PPP4R3A: variants seen among roughly 807,000 people sequenced by gnomAD.
PPP4R3A encodes the protein protein phosphatase 4 regulatory subunit 3A.
PPP4R3A carries 15 observed loss-of-function variants against 91.7 expected under a neutral mutation model. That is an observed-to-expected ratio of 0.16 (90% CI 0.11 to 0.25). The LOEUF (loss-of-function observed/expected upper bound fraction) is 0.25, where lower values mean the gene tolerates loss of function less well. Among genes scored for constraint, PPP4R3A ranks in the 10% least tolerant of loss-of-function variants. The pLI is 1.00. For missense variants in PPP4R3A, 623 were observed against 998.4 expected, an observed-to-expected ratio of 0.62 and a Z score of 5.07; for synonymous variants, 377 against 348.7, an observed-to-expected ratio of 1.08 and a Z score of -0.91.
chr14:91,480,962 G>A (rs756739454), intron 4 of PPP4R3A, among the ~76,000 whole-genome samples: 2 of 151,958 alleles, frequency 1.3e-5, no homozygotes, highest in Non-Finnish European at 2.9e-5. Context: ...TCAAGCCCAG[G>A]AGTTCAAGGT....
rs998549486 is a variant in PPP4R3A at position 91,457,789 on chromosome 14, T to C, written c.*970A>G. On this transcript the variant is annotated 3_prime_UTR_variant, in exon 15 of 15. Transcript: ENST00000554943. ...AAAACTGTTGAAGTTTTAAATTCCA[T>C]TCTATTTCCCTGAATTCTCAAGACA... is the stretch of plus-strand genomic sequence containing the variant. 35 of 152,656 alleles carry C rather than the reference T, an allele frequency of 2.3e-4. No homozygotes were observed. The highest frequency in any genetic ancestry group is 8.2e-4 in the African/African-American group (34 of 41,464). 9.5% of individuals were successfully genotyped at this position (152,656 alleles called of 1,614,324 possible).
intron 1 of PPP4R3A, among the ~76,000 whole-genome samples, chr14:91,498,782 T>C (rs889722618): frequency 5.9e-5 from 9 of 151,860 alleles, no homozygotes; most frequent in East Asian, 1.9e-4. Context: ...GGCGTGGTGG[T>C]GGGCGCCTGT....
intron 1 of PPP4R3A, among the ~76,000 whole-genome samples, chr14:91,491,020 C>T (rs1174801565): frequency 1.3e-5 from 2 of 151,522 alleles, no homozygotes; most frequent in Non-Finnish European, 2.9e-5. Context: ...ATTCTCCTGC[C>T]TCAGCCTCCC....
chr14:91,478,149 T>G (rs1354398874), intron 4 of PPP4R3A, among the ~76,000 whole-genome samples: 7 of 152,246 alleles, frequency 4.6e-5, no homozygotes, highest in Non-Finnish European at 7.3e-5. Context: ...CCTTTACTTT[T>G]TCTAAAATGA....
At chr14:91,507,534 T>C (rs1294212186) in intron 1 of PPP4R3A, among the ~76,000 whole-genome samples, 2 of 138,328 alleles carry the variant, frequency 1.4e-5, no homozygotes, top group African/African-American at 2.7e-5. Context: ...TAGTTATATA[T>C]ACTATATATT....
chr14:91,504,179 A>T (rs534134449), intron 1 of PPP4R3A, among the ~76,000 whole-genome samples: 14 of 151,334 alleles, frequency 9.3e-5, no homozygotes, highest in South Asian at 2.1e-4. Context: ...AGAAAAAAAA[A>T]ATTTTTTTTT....
intron 1 of PPP4R3A, among the ~76,000 whole-genome samples, chr14:91,493,553 G>T (rs958781433): frequency 8.7e-5 from 13 of 150,210 alleles, no homozygotes; most frequent in Admixed American, 2.6e-4. Context: ...CAGCACTTTG[G>T]GAGGTCGAGA....
intron 3 of PPP4R3A, 27 bp downstream of exon 3, chr14:91,485,605 T>C: frequency 6.7e-7 from 1 of 1,503,496 alleles, no homozygotes; most frequent in Non-Finnish European, 9.1e-7. Context: ...AAAGAAAGCA[T>C]GTTGATTTTT....
Position 91,458,621 on chromosome 14 carries a change from A to AGCAGAAGT in PPP4R3A, c.*130_*137dup, listed in dbSNP as rs1355259189. 2.4e-6 allele frequency: 3 copies of AGCAGAAGT among 1,241,080 alleles called. No individual in the cohort carries two copies. The highest frequency in any genetic ancestry group is 1.2e-6 in the Non-Finnish European group (1 of 843,582). The allele number at this position is 1,241,080 out of a possible 1,614,324, so 76.9% of individuals were successfully genotyped here. ...TGCTCCATTGAATTGGCACTTGATG[A>AGCAGAAGT]GCAGAAGTCAAGTGTAAGAGGCTGA... On this transcript the variant is annotated 3_prime_UTR_variant, in exon 15 of 15. Coordinates refer to ENST00000554943, the MANE Select transcript of PPP4R3A (RefSeq NM_001366432.2).
intron 3 of PPP4R3A, among the ~76,000 whole-genome samples, chr14:91,483,132 G>C (rs1244828389): frequency 6.6e-6 from 1 of 152,022 alleles, no homozygotes; most frequent in African/African-American, 2.4e-5. Flanking sequence ...GGTAACAAAA[G>C]GTCAAGGATA....
chr14:91,462,067 A>G lies in PPP4R3A; in HGVS notation c.2146T>C (p.Phe716Leu). The G allele has an allele frequency of 6.6e-7, 1 of 1,516,862 alleles. No homozygotes were observed. Among genetic ancestry groups the G allele is most frequent in the South Asian group, 1.3e-5 (1 of 76,920 alleles). 94.0% of individuals were successfully genotyped at this position (1,516,862 alleles called of 1,614,324 possible). Residue 716 changes from phenylalanine (F) to leucine (L), a missense_variant, in exon 13 of 15, where the codon TTC (phenylalanine) becomes CTC (leucine). This residue lies in a region of PPP4R3A where 201 missense variants were observed against 229.9 expected (regional missense o/e 0.87). Transcript: ENST00000554943. Reference protein sequence around the residue: ...DDDIMDPISKFMERKKLKESE... With the variant: ...DDDIMDPISKLMERKKLKESE... ...AACATACATTTCTTCCTTTCCATGAATTTACTTATTGGATCCATAATATCA... is the reference window on the plus strand; with the variant it reads ...AACATACATTTCTTCCTTTCCATGAGTTTACTTATTGGATCCATAATATCA...
chr14:91,508,422 T>C (rs1891548461), intron 1 of PPP4R3A, among the ~76,000 whole-genome samples: 1 of 152,168 alleles, frequency 6.6e-6, no homozygotes, highest in African/African-American at 2.4e-5. Flanking sequence ...TTTGCAATAA[T>C]TCAGATACAG....
chr14:91,502,646 T>C (rs917483635), intron 1 of PPP4R3A, among the ~76,000 whole-genome samples: 5 of 152,168 alleles, frequency 3.3e-5, no homozygotes, highest in African/African-American at 1.2e-4. Context: ...ACAATGAACA[T>C]GGAGTTCTAT....
intron 6 of PPP4R3A, 98 bp from the exon 7 acceptor site, chr14:91,476,064 C>A: frequency 8.8e-7 from 1 of 1,140,536 alleles, no homozygotes; most frequent in Non-Finnish European, 1.2e-6. Flanking sequence ...GAAAAAACTT[C>A]AATGTAAAAG....
At position 91,462,108 on chromosome 14, in the gene PPP4R3A, T is replaced by C. The variant is rs180892588; in HGVS notation, c.2105A>G (p.Lys702Arg). 28 of 1,571,466 alleles carry C rather than the reference T, an allele frequency of 1.8e-5. No individual in the cohort carries two copies. Among genetic ancestry groups the C allele is most frequent in the East Asian group, 7.1e-5 (3 of 42,248 alleles). ...CATAATATCATCATCATTTTTAGTT[T>C]TGTCAGATGGAGACACTACAGCTTC... is the stretch of plus-strand genomic sequence containing the variant. The part of the protein sequence containing the change: ...DGEAVVSPSD[K>R]TKNDDDIMDP... The change falls in exon 13 of 15, where the codon AAA becomes AGA. Residue 702 changes from lysine (K) to arginine (R), a missense_variant. By Grantham distance (26) the Lys-to-Arg change is conservative. Transcript: ENST00000554943.
At chr14:91,504,706 G>C (rs1415457961) in intron 1 of PPP4R3A, among the ~76,000 whole-genome samples, 3 of 152,136 alleles carry the variant, frequency 2.0e-5, no homozygotes, top group African/African-American at 4.8e-5. Context: ...AATGGGCCCA[G>C]AAGCTTAGTG....
intron 1 of PPP4R3A, among the ~76,000 whole-genome samples, chr14:91,498,340 A>T (rs1157339951): frequency 6.6e-6 from 1 of 151,808 alleles, no homozygotes; most frequent in Non-Finnish European, 1.5e-5. Flanking sequence ...CTCAAAGAAA[A>T]AAAAAAAAAG....
rs1212098912 is a variant in PPP4R3A at position 91,476,079 on chromosome 14, G to C, written c.1111-113C>G. The C allele has an allele frequency of 2.9e-6, 3 of 1,034,638 alleles. No individual in the cohort carries two copies. In the African/African-American group the frequency reaches 5.0e-5, roughly 17 times the overall value. 64.1% of individuals were successfully genotyped at this position (1,034,638 alleles called of 1,614,324 possible). Reference sequence around the variant, plus strand: ...GAAAAAACTTCAATGTAAAAGAAAGGTCAAAGAAATTCTTCTGCATATAAA... The same window carrying C: ...GAAAAAACTTCAATGTAAAAGAAAGCTCAAAGAAATTCTTCTGCATATAAA... On this transcript the variant is annotated intron_variant, in intron 6 of 14. Coordinates refer to ENST00000554943, the MANE Select transcript of PPP4R3A (RefSeq NM_001366432.2).
chr14:91,503,575 G>A (rs1444385323), intron 1 of PPP4R3A, among the ~76,000 whole-genome samples: 2 of 152,160 alleles, frequency 1.3e-5, no homozygotes, highest in Non-Finnish European at 2.9e-5. Context: ...AGTACAAAGG[G>A]GCAGAGGGAG....
Sources: gnomAD v4.1 joint callset for allele counts (sites outside exome capture counted in the v4.1 genomes callset) on GRCh38, gnomAD v4.1.1 for gene constraint, gnomAD v4.1.1 regional missense constraint, MANE v1.5 for transcripts, NCBI Gene and HGNC (gene_info 2026-07-23, HGNC 2026-07-21) for gene names.